Variants in CHRM1 observed in about 807,000 individuals in gnomAD.
CHRM1 encodes muscarinic acetylcholine receptor M1.
In CHRM1, 5 loss-of-function variants were observed where a neutral mutation model predicts 31.6. That is an observed-to-expected ratio of 0.16 (90% CI 0.08 to 0.33). The LOEUF is 0.33. Ranked by LOEUF, CHRM1 falls within the 10% of genes least tolerant of loss-of-function variation. The pLI, the probability that CHRM1 is intolerant of heterozygous loss-of-function variation, is 1.00. For missense variants in CHRM1, 338 were observed against 610.3 expected (o/e 0.55, Z 4.70); for synonymous variants, 227 against 249.7 (o/e 0.91, Z 0.86).
At position 62,909,572 on chromosome 11, in the gene CHRM1, C is replaced by T. The variant is rs1024456775; in HGVS notation, c.*146G>A. 7.0e-6 allele frequency: 7 copies of T among 996,316 alleles called. No homozygotes were observed. The highest frequency in any genetic ancestry group is 1.0e-5 in the Non-Finnish European group (7 of 679,822). 61.7% of individuals were successfully genotyped at this position (996,316 alleles called of 1,614,324 possible). A position where few individuals can be genotyped will look rare whatever the true frequency, so the allele number is the denominator to read the frequency against. ...GAAGTCTGGAAAGTTGGCAGGGTCT[C>T]TCTGGGCTGCCCAGGAAGGTGACCC... On this transcript the variant is annotated 3_prime_UTR_variant, in exon 2 of 2. Coordinates refer to ENST00000306960, the MANE Select transcript of CHRM1 (RefSeq NM_000738.3).
intron 1 of CHRM1, among the ~76,000 whole-genome samples, chr11:62,911,847 T>C (rs908877617): frequency 6.6e-6 from 1 of 152,060 alleles, no homozygotes; most frequent in Non-Finnish European, 1.5e-5. Context: ...ATTCTTCCAC[T>C]AATAAGGAGA....
upstream of CHRM1, chr11:62,921,402 G>C (rs2135051133): frequency 6.6e-6 from 1 of 152,582 alleles, no homozygotes; most frequent in East Asian, 1.9e-4. Flanking sequence ...CGGGGAGGGA[G>C]AAAGGGAAAG....
rs532190529 is a variant in CHRM1, at chr11:62,910,325, C to A, written c.776G>T (p.Cys259Phe). The A allele has an allele frequency of 5.0e-6, 8 of 1,610,760 alleles. No homozygotes were observed. In the East Asian group the frequency reaches 1.8e-4, roughly 36 times the overall value. ...CCTGGGGGCCCGGCAGCAGCGACAG[C>A]AGCGGCCTGGAGGAGTCTCTGGTGA... The part of the protein sequence containing the change: ...EGSPETPPGR[C>F]CRCCRAPRLL... Residue 259 changes from cysteine (C) to phenylalanine (F), a missense_variant, in exon 2 of 2, where the codon TGC becomes TTC. By Grantham distance (205) the Cys-to-Phe change is radical. Around this residue, in one of 4 missense-constraint regions of CHRM1, gnomAD observed 183 missense variants for 223.4 expected, o/e 0.82. Coordinates refer to ENST00000306960, the MANE Select transcript of CHRM1 (RefSeq NM_000738.3). This position sits in a 1 kb window ranked among gnomAD's most constrained non-coding sequence, Gnocchi z 8.7.
At chr11:62,914,105 C>T (rs964555705) in intron 1 of CHRM1, among the ~76,000 whole-genome samples, 1 of 152,082 alleles carries the variant, frequency 6.6e-6, no homozygotes. Flanking sequence ...CCACCACGCC[C>T]GGCTAAATTT....
chr11:62,912,804 C>G (rs899808184), intron 1 of CHRM1, among the ~76,000 whole-genome samples: 1 of 152,214 alleles, frequency 6.6e-6, no homozygotes, highest in Admixed American at 6.5e-5. Context: ...GTCCCCTGAC[C>G]CTCAGCTGTG....
At chr11:62,916,590 G>A (rs969994015) in intron 1 of CHRM1, among the ~76,000 whole-genome samples, 6 of 152,154 alleles carry the variant, frequency 3.9e-5, no homozygotes, top group African/African-American at 9.7e-5. Context: ...TTTAATAGTC[G>A]TATTGCTAAC....
chr11:62,915,725 C>T (rs2085897039), intron 1 of CHRM1, among the ~76,000 whole-genome samples: 1 of 152,114 alleles, frequency 6.6e-6, no homozygotes, highest in Non-Finnish European at 1.5e-5. Flanking sequence ...CTGCCCTCAT[C>T]CCCAGCTGTG....
Position 62,911,168 on chromosome 11 carries a change from A to G in CHRM1, c.-68T>C. ...GCACGCTACAGGGCTTCCTCAGGGG[A>G]AAGTCATCACCTGAAAAGAGAGGAC... On this transcript the variant is annotated 5_prime_UTR_variant, in exon 2 of 2. Transcript: ENST00000306960. 2 of 1,473,046 alleles carry G rather than the reference A, an allele frequency of 1.4e-6. No individual in the cohort carries two copies. Among genetic ancestry groups the G allele is most frequent in the Non-Finnish European group, 1.9e-6 (2 of 1,079,590 alleles). The allele number at this position is 1,473,046 out of a possible 1,614,324, so 91.2% of individuals were successfully genotyped here. A position where few individuals can be genotyped will look rare whatever the true frequency, so the allele number is the denominator to read the frequency against.
At position 62,909,682 on chromosome 11, in the gene CHRM1, G is replaced by A. The variant is rs371576514; in HGVS notation, c.*36C>T. The A allele has an allele frequency of 1.4e-4, 225 of 1,598,824 alleles. No homozygotes were observed. Among genetic ancestry groups the A allele is most frequent in the African/African-American group, 3.9e-4 (29 of 74,854 alleles). On this transcript the variant is annotated 3_prime_UTR_variant, in exon 2 of 2. Coordinates refer to ENST00000306960, the MANE Select transcript of CHRM1 (RefSeq NM_000738.3). ...TGCCCTCTTCCCACCGGCCTTTCCC[G>A]GGGACTGGGGTGGAGGGATGCAGGA... is the stretch of plus-strand genomic sequence containing the variant.
At chr11:62,915,935 G>A (rs531604784) in intron 1 of CHRM1, among the ~76,000 whole-genome samples, 5 of 152,082 alleles carry the variant, frequency 3.3e-5, no homozygotes, top group South Asian at 2.1e-4. Context: ...TCAGCCTCCC[G>A]AGTAGCTGGG....
chr11:62,919,636 C>T (rs1316342963), intron 1 of CHRM1, among the ~76,000 whole-genome samples: 2 of 152,088 alleles, frequency 1.3e-5, no homozygotes, highest in African/African-American at 4.8e-5. Flanking sequence ...TAGGCATCAC[C>T]ATGGCACCAC....
Position 62,910,975 on chromosome 11 carries a change from G to T in CHRM1, c.126C>A (p.Gly42=). Reference sequence around the variant, plus strand: ...TGAAAGAGATGAGTACCAGCAGGTTGCCTGTCACTGTGGCTAGCGACAGGA... The same window carrying T: ...TGAAAGAGATGAGTACCAGCAGGTTTCCTGTCACTGTGGCTAGCGACAGGA... ...TGLLSLATVT[G]NLLVLISFKV... The change falls in exon 2 of 2, where the codon GGC becomes GGA. Residue 42 remains glycine, a synonymous_variant. Transcript: ENST00000306960. The surrounding 1 kb of genome is among the most constrained non-coding windows in gnomAD (Gnocchi z 8.7). 1 of 1,614,204 alleles carries T rather than the reference G, an allele frequency of 6.2e-7. No homozygotes were observed. Among genetic ancestry groups the T allele is most frequent in the Non-Finnish European group, 8.5e-7 (1 of 1,180,038 alleles).
chr11:62,911,807 C>T (rs1299331532), intron 1 of CHRM1, among the ~76,000 whole-genome samples: 2 of 152,094 alleles, frequency 1.3e-5, no homozygotes, highest in East Asian at 1.9e-4. Flanking sequence ...GCCATTCTCA[C>T]TCTCCCCGGG....
At chr11:62,919,428 A>T (rs1357039454) in intron 1 of CHRM1, among the ~76,000 whole-genome samples, 1 of 152,158 alleles carries the variant, frequency 6.6e-6, no homozygotes, top group African/African-American at 2.4e-5. Flanking sequence ...CCCATGATGG[A>T]TCTTAAGCAG....
At chr11:62,913,259 TGAGGATTA>T (rs1346247356) in intron 1 of CHRM1, among the ~76,000 whole-genome samples, 1 of 152,226 alleles carries the variant, frequency 6.6e-6, no homozygotes, top group Admixed American at 6.5e-5. Context: ...TTTCAGGTGA[TGAGGATTA>T]AATGAATCAA....
chr11:62,917,576 G>T (rs2085907080), intron 1 of CHRM1, among the ~76,000 whole-genome samples: 1 of 152,148 alleles, frequency 6.6e-6, no homozygotes, highest in African/African-American at 2.4e-5. Context: ...ATGAGTGTTT[G>T]TGTGTGAGGG....
At chr11:62,919,132 C>T (rs1328660504) in intron 1 of CHRM1, among the ~76,000 whole-genome samples, 1 of 152,096 alleles carries the variant, frequency 6.6e-6, no homozygotes, top group Non-Finnish European at 1.5e-5. Context: ...CTGCTAGGGC[C>T]TGACCCCAGA....
intron 1 of CHRM1, among the ~76,000 whole-genome samples, chr11:62,914,939 T>A (rs2085892684): frequency 6.6e-6 from 1 of 151,886 alleles, no homozygotes; most frequent in African/African-American, 2.4e-5. Flanking sequence ...CTCTGGGAGG[T>A]TGAGGCAGAC....
chr11:62,920,073 C>T (rs894096572), intron 1 of CHRM1, among the ~76,000 whole-genome samples: 5 of 152,222 alleles, frequency 3.3e-5, no homozygotes, highest in Admixed American at 6.5e-5. Flanking sequence ...ATATCTCAGC[C>T]GCGATAGCGA....
Sources: allele counts gnomAD v4.1 joint callset (sites outside exome capture counted in the v4.1 genomes callset), GRCh38; gene constraint gnomAD v4.1.1; regional missense constraint gnomAD v4.1.1; non-coding constraint Gnocchi (gnomAD v3.1); transcripts MANE v1.5; gene names NCBI Gene and HGNC (gene_info 2026-07-23, HGNC 2026-07-21).